TENM4: variants seen among roughly 807,000 people sequenced by gnomAD.
TENM4 encodes teneurin-4.
TENM4 carries 82 observed loss-of-function variants against 243.3 expected under a neutral mutation model. The ratio of observed to expected loss-of-function variants is 0.34; its 90% CI spans 0.28 to 0.40. The LOEUF (loss-of-function observed/expected upper bound fraction) is 0.40. Ranked by LOEUF, TENM4 falls within the 10% of genes least tolerant of loss-of-function variation. The pLI, the probability that TENM4 is intolerant of heterozygous loss-of-function variation, is 1.00. For missense variants in TENM4, 3,138 were observed against 3,673.3 expected (o/e 0.85, Z 3.77); for synonymous variants, 1,412 against 1,456.3 (o/e 0.97, Z 0.69).
Position 78,764,445 on chromosome 11 carries a change from G to A in TENM4, c.2539+6547C>T, listed in dbSNP as rs75972908. Among the ~76,000 whole-genome samples the A allele has an allele frequency of 8.1e-3, 1,227 of 152,328 alleles. 22 individuals are homozygous for A. Among genetic ancestry groups the A allele is most frequent in the African/African-American group, 0.028 (1,173 of 41,568 alleles). On this transcript the variant is annotated intron_variant, in intron 18 of 33. Transcript: ENST00000278550. Reference sequence around the variant, plus strand: ...CTCCACGTGGGGCAGAAATTGACTTGTTTATTTCTGTATCTCAAATGCACA... The same window carrying A: ...CTCCACGTGGGGCAGAAATTGACTTATTTATTTCTGTATCTCAAATGCACA...
intron 12 of TENM4, among the ~76,000 whole-genome samples, chr11:78,853,316 C>T (rs1019588374): frequency 6.6e-6 from 1 of 152,196 alleles, no homozygotes; most frequent in African/African-American, 2.4e-5. Flanking sequence ...ACTGCCAAGA[C>T]CACTGTGTCC....
intron 1 of TENM4, among the ~76,000 whole-genome samples, chr11:79,414,976 G>C (rs184028801): frequency 6.6e-6 from 1 of 152,218 alleles, no homozygotes; most frequent in South Asian, 2.1e-4. Flanking sequence ...GCTTAGGGGA[G>C]AGGCCTCGTG....
Position 79,030,050 on chromosome 11 carries a change from C to T in TENM4, c.493+34688G>A, listed in dbSNP as rs74459781. On this transcript the variant is annotated intron_variant, in intron 6 of 33. Coordinates refer to ENST00000278550, the MANE Select transcript of TENM4 (RefSeq NM_001098816.3). ...CCCACCCAGTTCAATGGGAGGCAATCGGAATCCGCCCTGGATTAAAAGCAA... is the reference window on the plus strand; with the variant it reads ...CCCACCCAGTTCAATGGGAGGCAATTGGAATCCGCCCTGGATTAAAAGCAA... 2.0e-4 allele frequency among the ~76,000 whole-genome samples: 30 copies of T among 152,178 alleles called. No homozygotes were observed. In the East Asian group the frequency reaches 2.7e-3, roughly 14 times the overall value.
intron 6 of TENM4, among the ~76,000 whole-genome samples, chr11:78,969,490 G>C (rs1279992097): frequency 1.3e-5 from 2 of 152,176 alleles, no homozygotes; most frequent in African/African-American, 4.8e-5. Context: ...TATACCACGA[G>C]ACTAAAATTA....
chr11:79,215,487 A>G (rs1864033519), intron 3 of TENM4, among the ~76,000 whole-genome samples: 1 of 151,980 alleles, frequency 6.6e-6, no homozygotes, highest in South Asian at 2.1e-4. Flanking sequence ...CTCTGGTCCT[A>G]GACCGACATG....
chr11:78,959,480 G>T (rs1857272633), intron 6 of TENM4, among the ~76,000 whole-genome samples: 2 of 152,142 alleles, frequency 1.3e-5, no homozygotes, highest in Admixed American at 1.3e-4. Context: ...TTGGCTCATA[G>T]AAGATCCCTG....
chr11:79,199,333 C>T (rs1300962487), intron 3 of TENM4, among the ~76,000 whole-genome samples: 1 of 152,154 alleles, frequency 6.6e-6, no homozygotes, highest in East Asian at 1.9e-4. Context: ...GCTGTATAAA[C>T]ATTTGCTGTC....
intron 9 of TENM4, among the ~76,000 whole-genome samples, chr11:78,878,353 G>A (rs962283924): frequency 6.6e-6 from 1 of 152,092 alleles, no homozygotes; most frequent in Non-Finnish European, 1.5e-5. Context: ...TCTAATGCTG[G>A]GGACAGATAT....
chr11:78,671,534 C>T (rs1209297427), intron 31 of TENM4, among the ~76,000 whole-genome samples: 1 of 152,220 alleles, frequency 6.6e-6, no homozygotes, highest in African/African-American at 2.4e-5. Flanking sequence ...TTGAGACCAA[C>T]TTTTGATTTT....
chr11:79,262,970 G>T (rs1297143191), intron 2 of TENM4, among the ~76,000 whole-genome samples: 1 of 152,200 alleles, frequency 6.6e-6, no homozygotes, highest in African/African-American at 2.4e-5. Context: ...CACCTTTGCT[G>T]AAAGCTCAGC....
intron 1 of TENM4, among the ~76,000 whole-genome samples, chr11:79,418,096 T>C (rs1290568007): frequency 6.6e-6 from 1 of 151,764 alleles, no homozygotes. Context: ...AAAGCAAACA[T>C]AAATATGACA....
rs779367718 is a variant in TENM4 at position 78,756,808 on chromosome 11, C to T, written c.2753G>A (p.Gly918Glu). 1.2e-6 allele frequency: 2 copies of T among 1,612,812 alleles called. No homozygotes were observed. Among genetic ancestry groups the T allele is most frequent in the Non-Finnish European group, 1.7e-6 (2 of 1,179,460 alleles). ...HIIPGENPFD[G>E]GHACVIRGQV... Reference sequence around the variant, plus strand: ...GAGCTGGGGCCCTCGGACTCACCCTCCATCAAAGGGGTTCTCCCCGGGGAT... The same window carrying T: ...GAGCTGGGGCCCTCGGACTCACCCTTCATCAAAGGGGTTCTCCCCGGGGAT... The change falls in exon 19 of 34, where the codon GGA becomes GAA. Residue 918 changes from glycine to glutamate, a missense_variant. Transcript: ENST00000278550.
intron 6 of TENM4, among the ~76,000 whole-genome samples, chr11:78,968,974 C>G (rs1377932621): frequency 1.3e-5 from 2 of 152,248 alleles, no homozygotes; most frequent in Middle Eastern, 3.4e-3. Context: ...GCTGTGTGAC[C>G]TTTGATAAGT....
At chr11:79,365,807 G>A (rs1339992840) in intron 1 of TENM4, among the ~76,000 whole-genome samples, 1 of 152,208 alleles carries the variant, frequency 6.6e-6, no homozygotes, top group Admixed American at 6.5e-5. Context: ...AGTGACATTG[G>A]AGAAACCCAG....
intron 12 of TENM4, among the ~76,000 whole-genome samples, chr11:78,820,680 G>T (rs1857707134): frequency 6.6e-6 from 1 of 152,176 alleles, no homozygotes; most frequent in South Asian, 2.1e-4. Context: ...TTTCTGGGGG[G>T]TAAACCCACA....
chr11:79,433,636 T>C lies in TENM4; in HGVS notation c.-321+6873A>G, dbSNP rs542780223. 9.9e-5 allele frequency among the ~76,000 whole-genome samples: 15 copies of C among 152,276 alleles called. No homozygotes were observed. The South Asian group carries it at 2.5e-3, about 25-fold the overall frequency. On this transcript the variant is annotated intron_variant, in intron 1 of 33. Transcript: ENST00000278550. The stretch of plus-strand genomic sequence containing the variant: ...TTGCCTCTGATACCCTTTTGCACTA[T>C]TGGGTGAGGCTACAGTGATGCCATT...
intron 6 of TENM4, among the ~76,000 whole-genome samples, chr11:78,958,711 G>T (rs945210122): frequency 6.6e-6 from 1 of 152,204 alleles, no homozygotes; most frequent in African/African-American, 2.4e-5. Context: ...AGAGTCCAGC[G>T]CAAGCTCCCG....
intron 6 of TENM4, 26 bp from the exon 7 acceptor site, chr11:78,903,549 G>A (rs1404916630): frequency 1.0e-5 from 16 of 1,542,616 alleles, no homozygotes; most frequent in Non-Finnish European, 1.3e-5. Flanking sequence ...GGCGGTCAGC[G>A]GCGGTGAGCT....
chr11:78,787,007 C>G lies in TENM4; in HGVS notation c.2256G>C (p.Gly752=). ...GTCRCEDGWM[G]AACDQRACHP... ...GGCAGGCCCGCTGGTCGCAGGCTGC[C>G]CCCATCCAGCCATCCTCGCAGCGGC... is the stretch of plus-strand genomic sequence containing the variant. Residue 752 remains glycine (G), a synonymous_variant, in exon 16 of 34, where the codon GGG becomes GGC. Transcript: ENST00000278550. 6.4e-7 allele frequency: 1 copy of G among 1,569,838 alleles called. No individual in the cohort carries two copies. Among genetic ancestry groups the G allele is most frequent in the East Asian group, 2.4e-5 (1 of 42,088 alleles).
Sources: gnomAD v4.1 joint callset for allele counts (sites outside exome capture counted in the v4.1 genomes callset) on GRCh38, gnomAD v4.1.1 for gene constraint, MANE v1.5 for transcripts, NCBI Gene and HGNC (gene_info 2026-07-23, HGNC 2026-07-21) for gene names.